Variants in MAOB observed in about 807,000 individuals in gnomAD.
MAOB encodes the protein amine oxidase [flavin-containing] B.
Under a neutral mutation model 41.9 loss-of-function variants are expected in MAOB, and 15 were observed. That is an observed-to-expected ratio of 0.36 (90% CI 0.24 to 0.55). The LOEUF is 0.55. Ranked by LOEUF, MAOB falls within the 20% of genes least tolerant of loss-of-function variation. The pLI is 0.86. For synonymous variants in MAOB, 167 were observed against 144.2 expected (o/e 1.16, Z -1.13); for missense variants, 345 against 398.7 (o/e 0.87, Z 1.15).
chrX:43,826,180 G>A (rs1224437177), intron 3 of MAOB, among the ~76,000 whole-genome samples: 1 of 112,286 alleles, frequency 8.9e-6, no homozygotes, highest in Non-Finnish European at 1.9e-5. Flanking sequence ...AAAGAAAATA[G>A]TCTTTATTTG....
chrX:43,806,805 A>G (rs1289382900), intron 3 of MAOB, among the ~76,000 whole-genome samples: 1 of 111,964 alleles, frequency 8.9e-6, no homozygotes, highest in Non-Finnish European at 1.9e-5. Context: ...TATGTGTTTT[A>G]TACCTTGTGT....
chrX:43,822,936 C>T (rs184293493), intron 3 of MAOB, among the ~76,000 whole-genome samples: 1 of 110,946 alleles, frequency 9.0e-6, no homozygotes, highest in Admixed American at 9.7e-5. Flanking sequence ...ACATTTGCTG[C>T]ATACTAAAAT....
chrX:43,788,908 T>C (rs766874222), intron 8 of MAOB, among the ~76,000 whole-genome samples: 1 of 111,169 alleles, frequency 9.0e-6, no homozygotes, highest in South Asian at 3.8e-4. Flanking sequence ...ACACATATAT[T>C]TAAAGTACAG....
chrX:43,857,862 A>G (rs1199623183), intron 1 of MAOB, among the ~76,000 whole-genome samples: 1 of 112,233 alleles, frequency 8.9e-6, no homozygotes, highest in Non-Finnish European at 1.9e-5. Context: ...GTGTAAAACA[A>G]TAGCCAACAG....
intron 6 of MAOB, among the ~76,000 whole-genome samples, chrX:43,796,262 C>A (rs934667693): frequency 6.3e-5 from 7 of 111,334 alleles, no homozygotes; most frequent in African/African-American, 2.3e-4. Flanking sequence ...CTGAGCAGAC[C>A]TAAGCCTGCT....
At chrX:43,812,439 T>G (rs1026343752) in intron 3 of MAOB, among the ~76,000 whole-genome samples, 1 of 112,123 alleles carries the variant, frequency 8.9e-6, no homozygotes, top group Admixed American at 9.5e-5. Context: ...CCATAGTGGT[T>G]GTACTACTTT....
At chrX:43,774,679 C>G (rs1046403616) in intron 12 of MAOB, among the ~76,000 whole-genome samples, 3 of 111,525 alleles carry the variant, frequency 2.7e-5, no homozygotes, top group African/African-American at 9.8e-5. Flanking sequence ...ATTTTGTCCC[C>G]GTGTTGGCAG....
intron 3 of MAOB, among the ~76,000 whole-genome samples, chrX:43,813,018 A>G (rs769432324): frequency 6.2e-5 from 7 of 112,278 alleles, no homozygotes; most frequent in Non-Finnish European, 1.1e-4. Context: ...TATTGACTCA[A>G]TCTTCACAGT....
chrX:43,846,880 T>C (rs778780291), intron 1 of MAOB, among the ~76,000 whole-genome samples: 1 of 111,903 alleles, frequency 8.9e-6, no homozygotes, highest in South Asian at 3.7e-4. Context: ...TGAGAGATGG[T>C]ATATCCTCTG....
intron 1 of MAOB, among the ~76,000 whole-genome samples, chrX:43,879,200 T>C (rs1480059239): frequency 8.9e-6 from 1 of 111,795 alleles, no homozygotes; most frequent in Non-Finnish European, 1.9e-5. Context: ...TTATACACCA[T>C]ACACATTTCT....
chrX:43,772,384 G>A (rs2034195944), intron 12 of MAOB, among the ~76,000 whole-genome samples: 1 of 111,608 alleles, frequency 9.0e-6, no homozygotes, highest in African/African-American at 3.3e-5. Flanking sequence ...ACGTGGTCAG[G>A]ATCAGGCCAG....
chrX:43,767,172 G>T lies in MAOB; in HGVS notation c.*294C>A, dbSNP rs1450176801. The T allele has an allele frequency of 1.5e-5, 4 of 275,434 alleles. No homozygotes were observed. The highest frequency in any genetic ancestry group is 1.2e-4 in the Admixed American group (2 of 17,021). 22.7% of individuals were successfully genotyped at this position (275,434 alleles called of 1,213,427 possible). A position where few individuals can be genotyped will look rare whatever the true frequency, so the allele number is the denominator to read the frequency against. On this transcript the variant is annotated 3_prime_UTR_variant, in exon 15 of 15. Coordinates refer to ENST00000378069, the MANE Select transcript of MAOB (RefSeq NM_000898.5). ...TTCATTCCTTGTGCATGGGCAAGGT[G>T]TGTTGTGGGGCAGCAAGAACCTTAA...
At chrX:43,867,304 G>A (rs189256373) in intron 1 of MAOB, among the ~76,000 whole-genome samples, 3 of 112,208 alleles carry the variant, frequency 2.7e-5, no homozygotes, top group East Asian at 5.6e-4. Context: ...GAGCACTAGC[G>A]ATTTAGGAGG....
At chrX:43,771,534 A>G (rs1307702589) in intron 12 of MAOB, among the ~76,000 whole-genome samples, 2 of 111,560 alleles carry the variant, frequency 1.8e-5, no homozygotes, top group Non-Finnish European at 3.8e-5. Context: ...AAATATATAG[A>G]GAGCCTAAGG....
chrX:43,784,857 G>C (rs957289753), intron 8 of MAOB, among the ~76,000 whole-genome samples: 1 of 112,338 alleles, frequency 8.9e-6, no homozygotes, highest in African/African-American at 3.2e-5. Context: ...TTAAAAACCT[G>C]TTGTTTCCGG....
intron 14 of MAOB, 130 bp from the exon 15 acceptor site, chrX:43,767,748 T>C: frequency 1.8e-6 from 1 of 552,569 alleles, no homozygotes. Flanking sequence ...CGATGTTCCC[T>C]CTGCTTATAC....
intron 3 of MAOB, among the ~76,000 whole-genome samples, chrX:43,827,065 T>A (rs2034957869): frequency 1.8e-5 from 2 of 111,750 alleles, no homozygotes; most frequent in South Asian, 7.5e-4. Context: ...GAATAGAGAA[T>A]ACCAGTGGGG....
chrX:43,768,624 T>C (rs1416322446), intron 14 of MAOB, 30 bp downstream of exon 14: 2 of 1,146,414 alleles, frequency 1.7e-6, no homozygotes, highest in African/African-American at 1.8e-5. Context: ...AGAAAAGATA[T>C]CTAATTTCAT....
chrX:43,838,114 C>T (rs2147162330), intron 3 of MAOB: 1 of 248,224 alleles, frequency 4.0e-6, no homozygotes, highest in East Asian at 1.0e-4. Flanking sequence ...TAAGAGCCTT[C>T]CCCCGCCCAC....
Sources: allele counts gnomAD v4.1 joint callset (sites outside exome capture counted in the v4.1 genomes callset), GRCh38; gene constraint gnomAD v4.1.1; transcripts MANE v1.5; gene names NCBI Gene and HGNC (gene_info 2026-07-23, HGNC 2026-07-21).